TVP23A: variants seen among roughly 807,000 people sequenced by gnomAD.
TVP23A encodes Golgi apparatus membrane protein TVP23 homolog A.
Under a neutral mutation model 31.7 loss-of-function variants are expected in TVP23A, and 21 were observed. That is an observed-to-expected ratio of 0.66 (90% CI 0.47 to 0.95). The LOEUF (loss-of-function observed/expected upper bound fraction) is 0.95, where lower values mean the gene tolerates loss of function less well. TVP23A is among the 40% of genes least tolerant of loss of function. The pLI is 0.00. For missense variants in TVP23A, 279 were observed against 255.6 expected (o/e 1.09, Z -0.62); for synonymous variants, 104 against 96.0 (o/e 1.08, Z -0.49).
At chr16:10,799,965 T>G (rs2033611888) in intron 2 of TVP23A, among the ~76,000 whole-genome samples, 2 of 150,698 alleles carry the variant, frequency 1.3e-5, no homozygotes, top group South Asian at 4.2e-4. Context: ...GCAGAAGTTA[T>G]GGAGCCTTTA....
downstream of TVP23A, among the ~76,000 whole-genome samples, chr16:10,758,696 G>C (rs1331646916): frequency 6.6e-6 from 1 of 152,198 alleles, no homozygotes; most frequent in African/African-American, 2.4e-5. Flanking sequence ...AGGTCCCCCA[G>C]CCTACAGTGG....
chr16:10,775,093 G>C lies in TVP23A; in HGVS notation c.93C>G (p.His31Gln), dbSNP rs370743940. Residue 31 changes from histidine (H) to glutamine (Q), a missense_variant, in exon 3 of 8, where the codon CAC becomes CAG. His to Gln is a conservative substitution (Grantham distance 24, BLOSUM62 0). Coordinates refer to ENST00000299866, the MANE Select transcript of TVP23A (RefSeq NM_001079512.4). ...ACAGGTGGAAAAAGGTGGCCAAGGGGTGTCTAGGAAAGGACCCAGAAGGCG... is the reference window on the plus strand; with the variant it reads ...ACAGGTGGAAAAAGGTGGCCAAGGGCTGTCTAGGAAAGGACCCAGAAGGCG... Reference protein sequence around the residue: ...ELAFRKAKIRHPLATFFHLFF... With the variant: ...ELAFRKAKIRQPLATFFHLFF... The C allele has an allele frequency of 6.2e-7, 1 of 1,607,068 alleles. No homozygotes were observed. The highest frequency in any genetic ancestry group is 1.1e-5 in the South Asian group (1 of 89,676).
intron 2 of TVP23A, among the ~76,000 whole-genome samples, chr16:10,804,660 C>T (rs2033860322): frequency 6.6e-6 from 1 of 152,144 alleles, no homozygotes; most frequent in Non-Finnish European, 1.5e-5. Flanking sequence ...GGGGGAGGAT[C>T]GCTTGAGCCC....
At chr16:10,770,715 A>G (rs2031532184) in intron 6 of TVP23A, among the ~76,000 whole-genome samples, 1 of 151,778 alleles carries the variant, frequency 6.6e-6, no homozygotes, top group South Asian at 2.1e-4. Flanking sequence ...TACTATAAAT[A>G]CAAAAATTAG....
intron 2 of TVP23A, among the ~76,000 whole-genome samples, chr16:10,785,277 G>A (rs771767304): frequency 6.6e-5 from 10 of 152,062 alleles, no homozygotes; most frequent in Admixed American, 1.3e-4. Context: ...GGTGGCGGAA[G>A]CCTGTAATCC....
chr16:10,792,444 G>C (rs918465635), intron 2 of TVP23A, among the ~76,000 whole-genome samples: 4 of 152,182 alleles, frequency 2.6e-5, no homozygotes, highest in African/African-American at 9.7e-5. Context: ...CCTCCTGGGA[G>C]TTACGAAATG....
chr16:10,762,489 G>A (rs915457178), downstream of TVP23A, among the ~76,000 whole-genome samples: 4 of 152,250 alleles, frequency 2.6e-5, no homozygotes, highest in Admixed American at 1.3e-4. Context: ...GCCGCGGGGC[G>A]CTGGGCAGGG....
chr16:10,813,153 T>C (rs547012080), intron 2 of TVP23A, among the ~76,000 whole-genome samples: 5 of 152,286 alleles, frequency 3.3e-5, no homozygotes, highest in South Asian at 2.1e-4. Flanking sequence ...CTGGCAGATG[T>C]TGAATAAATA....
At chr16:10,800,913 C>A (rs988736010) in intron 2 of TVP23A, among the ~76,000 whole-genome samples, 1 of 152,106 alleles carries the variant, frequency 6.6e-6, no homozygotes, top group African/African-American at 2.4e-5. Flanking sequence ...ATCACTTGAG[C>A]CTGGAAGGCA....
At position 10,767,692 on chromosome 16, in the gene TVP23A, C is replaced by T. The variant is rs62026460; in HGVS notation, c.*1410G>A. On this transcript the variant is annotated 3_prime_UTR_variant, in exon 8 of 8. Transcript: ENST00000299866. The surrounding 1 kb of genome is among the most constrained non-coding windows in gnomAD (Gnocchi z 4.6). ...TGGGCCCATGTGGAAGCTGCTGAAT[C>T]AGTTCTCTGTAGGGCCCTGGAACCT... 1.9e-6 allele frequency: 1 copy of T among 521,256 alleles called. No individual in the cohort carries two copies. The highest frequency in any genetic ancestry group is 3.2e-5 in the East Asian group (1 of 31,368). 32.3% of individuals were successfully genotyped at this position (521,256 alleles called of 1,614,324 possible). A position where few individuals can be genotyped will look rare whatever the true frequency, so the allele number is the denominator to read the frequency against.
At position 10,818,390 on chromosome 16, in the gene TVP23A, G is replaced by A. The variant is rs559088030; in HGVS notation, c.9+95C>T. On this transcript the variant is annotated intron_variant, in intron 1 of 7. Coordinates refer to ENST00000299866, the MANE Select transcript of TVP23A (RefSeq NM_001079512.4). The surrounding 1 kb of genome is among the most constrained non-coding windows in gnomAD (Gnocchi z 4.7). The stretch of plus-strand genomic sequence containing the variant: ...CGGGTGCAGCCCAGCCCCAGGCCCC[G>A]GCGCATCCCTCCTCCTCCTCCCGGC... 10 of 1,530,210 alleles carry A rather than the reference G, an allele frequency of 6.5e-6. No individual in the cohort carries two copies. The highest frequency in any genetic ancestry group is 1.7e-4 in the Middle Eastern group (1 of 5,730). The allele number at this position is 1,530,210 out of a possible 1,614,324, so 94.8% of individuals were successfully genotyped here.
At chr16:10,813,000 A>T (rs1478980731) in intron 2 of TVP23A, among the ~76,000 whole-genome samples, 1 of 152,112 alleles carries the variant, frequency 6.6e-6, no homozygotes, top group African/African-American at 2.4e-5. Flanking sequence ...TCTGCTGTGG[A>T]ATCACACCCT....
At chr16:10,792,479 G>A (rs1237920731) in intron 2 of TVP23A, among the ~76,000 whole-genome samples, 1 of 152,244 alleles carries the variant, frequency 6.6e-6, no homozygotes, top group Admixed American at 6.5e-5. Flanking sequence ...CCACCCCCAG[G>A]CCTCCTGAGC....
chr16:10,811,199 T>C (rs1451327275), intron 2 of TVP23A, among the ~76,000 whole-genome samples: 4 of 152,194 alleles, frequency 2.6e-5, no homozygotes, highest in Non-Finnish European at 5.9e-5. Context: ...ACCTTGTGAA[T>C]GTATCAAAAT....
At chr16:10,778,606 C>T (rs1169683527) in intron 2 of TVP23A, among the ~76,000 whole-genome samples, 2 of 151,220 alleles carry the variant, frequency 1.3e-5, no homozygotes, top group South Asian at 2.1e-4. Flanking sequence ...ACCTTGTAAT[C>T]GAGTCAGTTA....
At chr16:10,805,587 G>C (rs2033905215) in intron 2 of TVP23A, among the ~76,000 whole-genome samples, 1 of 149,956 alleles carries the variant, frequency 6.7e-6, no homozygotes, top group Admixed American at 6.7e-5. Flanking sequence ...GGTTAGCAGG[G>C]GGCCATGGAA....
At chr16:10,776,867 G>C (rs1467943263) in intron 2 of TVP23A, among the ~76,000 whole-genome samples, 1 of 152,132 alleles carries the variant, frequency 6.6e-6, no homozygotes, top group East Asian at 1.9e-4. Flanking sequence ...TCTGTGAACT[G>C]TCATGGTGCT....
In TVP23A at chr16:10,801,133, G is replaced by A. The variant is rs552611829; in HGVS notation, c.89+16970C>T. Among the ~76,000 whole-genome samples, 9 of 152,258 alleles carry A rather than the reference G, an allele frequency of 5.9e-5. No individual in the cohort carries two copies. In the South Asian group the frequency reaches 1.9e-3, roughly 32 times the overall value. ...TCCTGGGTTCTTTGAGTGGCAAAGA[G>A]AATGAAAGACCAAAATCTGGGGCCT... On this transcript the variant is annotated intron_variant, in intron 2 of 7. Transcript: ENST00000299866.
chr16:10,773,959 CA>C, intron 4 of TVP23A, 79 bp downstream of exon 4: 1 of 1,176,960 alleles, frequency 8.5e-7, no homozygotes, highest in Non-Finnish European at 1.2e-6. Context: ...CAGATATGCA[CA>C]AAACTCCAAA....
Sources: allele counts gnomAD v4.1 joint callset (sites outside exome capture counted in the v4.1 genomes callset), GRCh38; gene constraint gnomAD v4.1.1; non-coding constraint Gnocchi (gnomAD v3.1); transcripts MANE v1.5; gene names NCBI Gene and HGNC (gene_info 2026-07-23, HGNC 2026-07-21).